Variants in GGA2 observed in about 807,000 individuals in gnomAD.
GGA2 encodes the protein ADP-ribosylation factor-binding protein GGA2.
A neutral mutation model predicts 79.5 loss-of-function variants in GGA2; 48 were observed. The observed-to-expected ratio is 0.60, with a 90% CI of 0.48 to 0.77. The LOEUF is 0.77. Among genes scored for constraint, GGA2 ranks in the 30% least tolerant of loss-of-function variants. GGA2 has a pLI of 0.00. For missense variants in GGA2, 770 were observed against 774.0 expected (o/e 0.99, Z 0.06); for synonymous variants, 317 against 302.0 (o/e 1.05, Z -0.51).
chr16:23,502,979 C>T (rs557147923), intron 1 of GGA2, among the ~76,000 whole-genome samples: 2 of 152,322 alleles, frequency 1.3e-5, no homozygotes, highest in Admixed American at 1.3e-4. Context: ...TCCTAAGACG[C>T]CCCATGATCT....
chr16:23,496,290 G>A, intron 1 of GGA2, among the ~76,000 whole-genome samples: 1 of 131,972 alleles, frequency 7.6e-6, no homozygotes, highest in Admixed American at 8.1e-5. Flanking sequence ...GAGACAGAGG[G>A]AGACTCTGTC....
intron 14 of GGA2, among the ~76,000 whole-genome samples, chr16:23,470,405 T>TA: frequency 6.6e-6 from 1 of 152,286 alleles, no homozygotes; most frequent in South Asian, 2.1e-4. Flanking sequence ...CACCAGTTAT[T>TA]AAAAATCACA....
upstream of GGA2, among the ~76,000 whole-genome samples, chr16:23,511,902 G>A (rs1227221088): frequency 1.3e-5 from 2 of 152,152 alleles, no homozygotes; most frequent in African/African-American, 2.4e-5. Flanking sequence ...CTGGCTTTTC[G>A]ACCGGGGTGA....
At chr16:23,500,221 G>A (rs1964905567) in intron 1 of GGA2, among the ~76,000 whole-genome samples, 1 of 152,230 alleles carries the variant, frequency 6.6e-6, no homozygotes. Flanking sequence ...GCCAAGGGCT[G>A]GCCCTGCCAG....
chr16:23,521,028 G>A (rs983749337), intron 1 of GGA2, among the ~76,000 whole-genome samples: 3 of 152,176 alleles, frequency 2.0e-5, no homozygotes, highest in African/African-American at 4.8e-5. Context: ...CCGGCCTCAA[G>A]TGATCTGCCT....
intron 5 of GGA2, 36 bp from the exon 6 acceptor site, chr16:23,488,745 T>C (rs1354520770): frequency 1.7e-6 from 2 of 1,149,354 alleles, no homozygotes; most frequent in East Asian, 2.3e-5. Flanking sequence ...GACACCGATA[T>C]GGTACCCAGA....
chr16:23,514,687 A>G (rs1277385243), upstream of GGA2, among the ~76,000 whole-genome samples: 8 of 152,276 alleles, frequency 5.3e-5, no homozygotes, highest in East Asian at 1.5e-3. Flanking sequence ...CCTGGGCTCA[A>G]GCAATCCTCC....
chr16:23,480,129 T>C (rs1238469978), intron 10 of GGA2: 4 of 491,556 alleles, frequency 8.1e-6, no homozygotes, highest in Admixed American at 3.4e-5. Flanking sequence ...AAAGATCCCA[T>C]CACTCTGGAG....
chr16:23,501,570 G>A, intron 1 of GGA2: 1 of 321,926 alleles, frequency 3.1e-6, no homozygotes, highest in East Asian at 8.0e-5. Flanking sequence ...GCTGTGTCAT[G>A]GCCGTGTGAA....
chr16:23,482,668 C>T (rs1265709405), intron 9 of GGA2, among the ~76,000 whole-genome samples: 2 of 152,222 alleles, frequency 1.3e-5, no homozygotes, highest in Admixed American at 6.5e-5. Context: ...GATCTTTCTT[C>T]TACCTCTCAC....
chr16:23,474,871 A>C, intron 14 of GGA2, 33 bp downstream of exon 14: 2 of 1,544,210 alleles, frequency 1.3e-6, no homozygotes, highest in Non-Finnish European at 1.8e-6. Context: ...CCAGGGAAAA[A>C]AAAAAAAAGG....
At chr16:23,488,468 C>G in intron 6 of GGA2, 138 bp downstream of exon 6, 1 of 681,654 alleles carries the variant, frequency 1.5e-6, no homozygotes, top group Non-Finnish European at 2.6e-6. Context: ...CTTCTGCTAC[C>G]TCACTCCTAA....
chr16:23,504,949 T>C (rs1964958029), intron 1 of GGA2, among the ~76,000 whole-genome samples: 1 of 152,168 alleles, frequency 6.6e-6, no homozygotes, highest in African/African-American at 2.4e-5. Context: ...GAGTGACTAA[T>C]TCAGAAGCCA....
At chr16:23,522,416 G>A (rs1965153821), upstream of GGA2, 1 of 152,532 alleles carries the variant, frequency 6.6e-6, no homozygotes, top group Admixed American at 6.5e-5. Context: ...AAAGAACTCA[G>A]ACAAGATTGG....
At chr16:23,503,339 A>C (rs1964940393) in intron 1 of GGA2, among the ~76,000 whole-genome samples, 1 of 152,236 alleles carries the variant, frequency 6.6e-6, no homozygotes, top group Admixed American at 6.5e-5. Context: ...CAGTGGTTGT[A>C]GAGTCTACTC....
chr16:23,482,421 T>C (rs1964659398), intron 9 of GGA2, among the ~76,000 whole-genome samples: 1 of 152,224 alleles, frequency 6.6e-6, no homozygotes, highest in Non-Finnish European at 1.5e-5. Context: ...GGTTTTACTA[T>C]TCCCCTCTCT....
Position 23,479,872 on chromosome 16 carries a change from G to C in GGA2, c.1022C>G (p.Ala341Gly). 1 of 1,614,002 alleles carries C rather than the reference G, an allele frequency of 6.2e-7. No homozygotes were observed. The highest frequency in any genetic ancestry group is 8.5e-7 in the Non-Finnish European group (1 of 1,179,876). Residue 341 changes from alanine to glycine, a missense_variant, in exon 11 of 17, where the codon GCA (alanine) becomes GGA (glycine). By Grantham distance (60) the Ala-to-Gly change is moderately conservative (BLOSUM62 0). Coordinates refer to ENST00000309859, the MANE Select transcript of GGA2 (RefSeq NM_015044.4). ...CAGGGGGCAGGTCTTCATGCAGCCT[G>C]CTGGATTCTGAAAGACTAGAAAGCC... Reference protein sequence around the residue: ...IPVSRVFQNPAGCMKTCPLID... With the variant: ...IPVSRVFQNPGGCMKTCPLID...
chr16:23,511,566 C>T (rs186213181), upstream of GGA2, among the ~76,000 whole-genome samples: 1 of 151,510 alleles, frequency 6.6e-6, no homozygotes, highest in African/African-American at 2.4e-5. Context: ...GGTGCTATCT[C>T]GGCTCATTGC....
upstream of GGA2, among the ~76,000 whole-genome samples, chr16:23,510,906 CGTGTGTGTGTGTGTGT>C (rs150030103): frequency 4.9e-4 from 24 of 49,016 alleles, no homozygotes; most frequent in Non-Finnish European, 7.8e-4. Context: ...TGGGTTTCAC[CGTGTGTGTGTGTGTGT>C]GTGTGTGTGT....
Sources: allele counts gnomAD v4.1 joint callset (sites outside exome capture counted in the v4.1 genomes callset), GRCh38; gene constraint gnomAD v4.1.1; transcripts MANE v1.5; gene names NCBI Gene and HGNC (gene_info 2026-07-23, HGNC 2026-07-21).